Variants in CDC14A observed in about 807,000 individuals in gnomAD.
CDC14A encodes the protein dual specificity protein phosphatase CDC14A.
CDC14A carries 53 observed loss-of-function variants against 74.4 expected under a neutral mutation model. The observed-to-expected ratio is 0.71, with a 90% confidence interval of 0.57 to 0.89. The LOEUF (loss-of-function observed/expected upper bound fraction) is 0.89. Among genes scored for constraint, CDC14A ranks in the 40% least tolerant of loss-of-function variants. The pLI is 0.00. For synonymous variants in CDC14A, 247 were observed against 258.4 expected (o/e 0.96, Z 0.43); for missense variants, 646 against 713.7 (o/e 0.91, Z 1.08).
At chr1:100,422,747 T>C (rs1165777074) in intron 4 of CDC14A, among the ~76,000 whole-genome samples, 1 of 152,212 alleles carries the variant, frequency 6.6e-6, no homozygotes, top group East Asian at 1.9e-4. Flanking sequence ...ACTTGCCAAA[T>C]GAATATGGGG....
chr1:100,410,227 A>C (rs1299437311), intron 4 of CDC14A, among the ~76,000 whole-genome samples: 2 of 152,138 alleles, frequency 1.3e-5, no homozygotes, highest in Non-Finnish European at 2.9e-5. Context: ...AAAAAAGAAA[A>C]AAAAATTTTT....
At chr1:100,437,334 G>A (rs1316453363) in intron 5 of CDC14A, among the ~76,000 whole-genome samples, 1 of 152,130 alleles carries the variant, frequency 6.6e-6, no homozygotes, top group Non-Finnish European at 1.5e-5. Flanking sequence ...CTACGTATGA[G>A]CCACATGCCA....
chr1:100,350,811 T>C (rs895580070), upstream of CDC14A, among the ~76,000 whole-genome samples: 4 of 152,378 alleles, frequency 2.6e-5, no homozygotes, highest in South Asian at 2.1e-4. Context: ...TATTTAGCCT[T>C]TTAAACAAAG....
intron 4 of CDC14A, among the ~76,000 whole-genome samples, chr1:100,403,732 C>A (rs867221069): frequency 6.6e-5 from 10 of 152,212 alleles, no homozygotes; most frequent in African/African-American, 2.4e-4. Context: ...CTCCCTTCTT[C>A]CTGGCAACCA....
At chr1:100,492,840 CTGTGTGTG>C (rs3081872) in intron 11 of CDC14A, among the ~76,000 whole-genome samples, 3 of 149,816 alleles carry the variant, frequency 2.0e-5, no homozygotes, top group Non-Finnish European at 4.5e-5. Context: ...CTTAGCCCTG[CTGTGTGTG>C]TGTGTGTGTG....
chr1:100,465,823 T>C lies in CDC14A; in HGVS notation c.839-2133T>C, dbSNP rs189200215. Among the ~76,000 whole-genome samples the C allele has an allele frequency of 9.2e-5, 14 of 152,360 alleles. No homozygotes were observed. The East Asian group carries it at 2.5e-3, about 27-fold the overall frequency. ...TGATAGTCCAGTATGTGATTATCGA[T>C]GTTCTATAGGGCTTTCAGAAAATGC... is the stretch of plus-strand genomic sequence containing the variant. On this transcript the variant is annotated intron_variant, in intron 9 of 15. Transcript: ENST00000336454.
Position 100,513,179 on chromosome 1 carries a change from A to G in CDC14A, c.1756-5072A>G, listed in dbSNP as rs533806993. ...CTGGAAACTCTATTACAAAGGCTTAAAGAGACATAGGAGTACAGAGGCAGT... is the reference window on the plus strand; with the variant it reads ...CTGGAAACTCTATTACAAAGGCTTAGAGAGACATAGGAGTACAGAGGCAGT... On this transcript the variant is annotated intron_variant, in intron 15 of 15. Transcript: ENST00000336454. Among the ~76,000 whole-genome samples the G allele has an allele frequency of 2.6e-5, 4 of 152,352 alleles. No homozygotes were observed. In the South Asian group the frequency reaches 6.2e-4, roughly 24 times the overall value.
Position 100,439,954 on chromosome 1 carries a change from A to T in CDC14A, c.412A>T (p.Thr138Ser), listed in dbSNP as rs1406794970. ...TAGGGATGCTTCCTTTGGAAATTGC[A>T]CTTACAATCTCACCATTCTCGACTG... The part of the protein sequence containing the change: ...PFRDASFGNC[T>S]YNLTILDCLQ... The change falls in exon 6 of 16, where the codon ACT becomes TCT. Residue 138 changes from threonine to serine, a missense_variant. Physicochemically the swap from Thr to Ser is moderately conservative, Grantham distance 58. Coordinates refer to ENST00000336454, the MANE Select transcript of CDC14A (RefSeq NM_003672.4). 2 of 1,613,282 alleles carry T rather than the reference A, an allele frequency of 1.2e-6. No individual in the cohort carries two copies. Among genetic ancestry groups the T allele is most frequent in the East Asian group, 2.2e-5 (1 of 44,856 alleles).
chr1:100,401,962 C>A (rs374974822), intron 4 of CDC14A, among the ~76,000 whole-genome samples: 1 of 151,814 alleles, frequency 6.6e-6, no homozygotes, highest in Non-Finnish European at 1.5e-5. Flanking sequence ...CACTTGAACC[C>A]GGGAGGCGGA....
intron 2 of CDC14A, among the ~76,000 whole-genome samples, chr1:100,376,192 A>T (rs192997260): frequency 6.6e-6 from 1 of 152,156 alleles, no homozygotes; most frequent in Non-Finnish European, 1.5e-5. Context: ...TGGGAGCTAT[A>T]CCTAATGTAA....
At chr1:100,354,350 C>T (rs1435693854) in intron 2 of CDC14A, among the ~76,000 whole-genome samples, 1 of 152,238 alleles carries the variant, frequency 6.6e-6, no homozygotes, top group African/African-American at 2.4e-5. Context: ...GTATCAGAGT[C>T]ACATTTATGA....
intron 11 of CDC14A, chr1:100,485,144 T>C: frequency 1.0e-6 from 1 of 985,322 alleles, no homozygotes; most frequent in Non-Finnish European, 1.2e-6. Flanking sequence ...ATTATGAGCA[T>C]TTTTGGAACT....
chr1:100,499,023 G>A lies in CDC14A; in HGVS notation c.1516G>A (p.Ala506Thr), dbSNP rs150672643. Residue 506 changes from alanine (A) to threonine (T), a missense_variant, in exon 15 of 16, where the codon GCA (alanine) becomes ACA (threonine). Transcript: ENST00000336454. ...CAAAAAGACCTCCTCATCCTCTAAG[G>A]CAGGCTTCACAGCCAGCCCGTTTAC... ...ENKKTSSSSK[A>T]GFTASPFTNL... 3.7e-6 allele frequency: 6 copies of A among 1,613,888 alleles called. No individual in the cohort carries two copies. The African/African-American group carries it at 4.0e-5, about 11-fold the overall frequency.
rs200576251 is a variant in CDC14A at position 100,451,177 on chromosome 1, TG to T, written c.520-4227del. On this transcript the variant is annotated intron_variant, in intron 7 of 15. Transcript: ENST00000336454. ...GTTTCAACAACTATGTTTGTGCTGC[TG>T]ACTCCAAATCATCTTTGCGTCTTGA... 4.0e-3 allele frequency among the ~76,000 whole-genome samples: 615 copies of T among 152,202 alleles called. 16 individuals carry two copies. Among genetic ancestry groups the T allele is most frequent in the Admixed American group, 0.03 (466 of 15,294 alleles).
chr1:100,455,862 G>T (rs1212753580), intron 8 of CDC14A, among the ~76,000 whole-genome samples: 2 of 152,054 alleles, frequency 1.3e-5, no homozygotes, highest in East Asian at 3.8e-4. Flanking sequence ...ATGTTCTTTG[G>T]GTAACACCAT....
At chr1:100,406,326 G>T (rs1186204823) in intron 4 of CDC14A, among the ~76,000 whole-genome samples, 2 of 152,100 alleles carry the variant, frequency 1.3e-5, no homozygotes, top group Non-Finnish European at 2.9e-5. Flanking sequence ...CCATTCTATA[G>T]GTTGTCTGTT....
chr1:100,456,657 T>C (rs944246230), intron 8 of CDC14A, among the ~76,000 whole-genome samples: 10 of 152,170 alleles, frequency 6.6e-5, no homozygotes, highest in African/African-American at 2.4e-4. Flanking sequence ...AAAAAAAGAT[T>C]TATTTTTCTT....
chr1:100,463,278 G>A (rs1557786950), intron 9 of CDC14A, among the ~76,000 whole-genome samples: 1 of 151,932 alleles, frequency 6.6e-6, no homozygotes, highest in Non-Finnish European at 1.5e-5. Context: ...CCATCCTCTT[G>A]CACTGTCGTG....
chr1:100,480,065 A>G (rs1669297172), intron 10 of CDC14A, among the ~76,000 whole-genome samples: 1 of 152,190 alleles, frequency 6.6e-6, no homozygotes, highest in Non-Finnish European at 1.5e-5. Context: ...TATGTTCACA[A>G]TGTTGTGCAG....
Sources: gnomAD v4.1 joint callset for allele counts (sites outside exome capture counted in the v4.1 genomes callset) on GRCh38, gnomAD v4.1.1 for gene constraint, MANE v1.5 for transcripts, NCBI Gene and HGNC (gene_info 2026-07-23, HGNC 2026-07-21) for gene names.